Variants in RPS16 observed in about 807,000 individuals in gnomAD.
RPS16 encodes the protein small ribosomal subunit protein uS9.
In RPS16, 2 loss-of-function variants were observed where a neutral mutation model predicts 20.1. The observed-to-expected ratio is 0.10, with a 90% CI of 0.04 to 0.31. The LOEUF (loss-of-function observed/expected upper bound fraction) is 0.31, where lower values mean the gene tolerates loss of function less well. Among genes scored for constraint, RPS16 ranks in the 10% least tolerant of loss-of-function variants. The probability of loss-of-function intolerance (pLI) is 1.00; values close to 1 mark genes in which losing one functional copy is unlikely to be tolerated. For missense variants in RPS16, 129 were observed against 198.6 expected (o/e 0.65, Z 2.11); for synonymous variants, 95 against 76.1 (o/e 1.25, Z -1.29).
At position 39,433,140 on chromosome 19, in the gene RPS16, G is replaced by A. The variant is rs950696191; in HGVS notation, c.*133C>T. ...AGGGTCAAAATCCAGACTGGCAATA[G>A]GTCCAGGATGTTTACTGATTTCTGT... On this transcript the variant is annotated 3_prime_UTR_variant, in exon 5 of 5. Transcript: ENST00000251453. 1 of 1,018,350 alleles carries A rather than the reference G, an allele frequency of 9.8e-7. No individual in the cohort carries two copies. The highest frequency in any genetic ancestry group is 1.6e-5 in the South Asian group (1 of 63,854). 63.1% of individuals were successfully genotyped at this position (1,018,350 alleles called of 1,614,324 possible).
rs781057684 is a variant in RPS16 at position 39,433,300 on chromosome 19, G to A, written c.414C>T (p.Arg138=). 2.0e-5 allele frequency: 33 copies of A among 1,613,050 alleles called. No individual in the cohort carries two copies. Among genetic ancestry groups the A allele is most frequent in the Middle Eastern group, 1.9e-4 (1 of 5,258 alleles). Residue 138 remains arginine, a synonymous_variant, in exon 5 of 5, where the codon CGC becomes CGT. Transcript: ENST00000251453. ...ATCGGTAGGATTTCTGGTAGCGAGC[G>A]CGGGCACCAGGGCCTCCAAACTTTT... is the stretch of plus-strand genomic sequence containing the variant. ...ESKKFGGPGA[R]ARYQKSYR
intron 2 of RPS16, chr19:39,434,498 CAG>C: frequency 6.6e-6 from 1 of 152,448 alleles, no homozygotes; most frequent in East Asian, 1.9e-4. Context: ...CAGCCAATAA[CAG>C]TAACATTCAA....
chr19:39,435,667 A>G lies in RPS16; in HGVS notation c.90T>C (p.Gly30=). 6.2e-7 allele frequency: 1 copy of G among 1,613,986 alleles called. No individual in the cohort carries two copies. The highest frequency in any genetic ancestry group is 8.5e-7 in the Non-Finnish European group (1 of 1,180,032). ...TAVAHCKRGN[G]LIKVNGRPLE... ...GGGGCCGCCCGTTCACCTTGATGAG[A>G]CCATTGCCGCGTTTGCAGTGCGCCA... The change falls in exon 2 of 5, where the codon GGT becomes GGC. Residue 30 remains glycine, a synonymous_variant. Coordinates refer to ENST00000251453, the MANE Select transcript of RPS16 (RefSeq NM_001020.6).
At chr19:39,433,484 A>G (rs750235049) in intron 4 of RPS16, 38 bp downstream of exon 4, 1 of 1,612,788 alleles carries the variant, frequency 6.2e-7, no homozygotes, top group South Asian at 1.1e-5. Flanking sequence ...ATCCCCACAC[A>G]CCCATCTACC....
chr19:39,435,066 A>C (rs1418857404), intron 2 of RPS16: 1 of 153,006 alleles, frequency 6.5e-6, no homozygotes, highest in African/African-American at 2.4e-5. Context: ...CGGGAGGCCG[A>C]GGCTGGTGGA....
At chr19:39,433,615 G>A (rs1226160418) in intron 3 of RPS16, 46 bp from the exon 4 acceptor site, 3 of 1,614,182 alleles carry the variant, frequency 1.9e-6, no homozygotes, top group South Asian at 1.1e-5. Flanking sequence ...CGCTGTGAAG[G>A]CCTCCCTCCC....
chr19:39,435,750 T>C (rs767678611), intron 1 of RPS16, 42 bp from the exon 2 acceptor site: 2 of 1,608,168 alleles, frequency 1.2e-6, no homozygotes, highest in East Asian at 4.5e-5. Flanking sequence ...GAGCTCCGGC[T>C]CCAGCTCCCA....
chr19:39,435,928 G>C lies in RPS16; in HGVS notation c.-33C>G, dbSNP rs201075644. ...AGCGTGGACTAGACAACCTCACCGCGCGGCGCCGCAACCGGAAAAGGAAAG... is the reference window on the plus strand; with the variant it reads ...AGCGTGGACTAGACAACCTCACCGCCCGGCGCCGCAACCGGAAAAGGAAAG... On this transcript the variant is annotated 5_prime_UTR_variant, in exon 1 of 5. Coordinates refer to ENST00000251453, the MANE Select transcript of RPS16 (RefSeq NM_001020.6). The C allele has an allele frequency of 1.3e-4, 206 of 1,602,326 alleles. No homozygotes were observed. The highest frequency in any genetic ancestry group is 3.1e-4 in the East Asian group (14 of 44,878).
At position 39,433,155 on chromosome 19, in the gene RPS16, C is replaced by T; in HGVS notation, c.*118G>A. ...ACTGGCAATAGGTCCAGGATGTTTACTGATTTCTGTCTGGTTAAACATCCA... is the reference window on the plus strand; with the variant it reads ...ACTGGCAATAGGTCCAGGATGTTTATTGATTTCTGTCTGGTTAAACATCCA... On this transcript the variant is annotated 3_prime_UTR_variant, in exon 5 of 5. Transcript: ENST00000251453. The T allele has an allele frequency of 2.6e-6, 3 of 1,144,276 alleles. No homozygotes were observed. The highest frequency in any genetic ancestry group is 3.0e-4 in the Middle Eastern group (1 of 3,332). 70.9% of individuals were successfully genotyped at this position (1,144,276 alleles called of 1,614,324 possible). A position where few individuals can be genotyped will look rare whatever the true frequency, so the allele number is the denominator to read the frequency against.
chr19:39,435,729 A>C (rs200014283), intron 1 of RPS16, 21 bp from the exon 2 acceptor site: 5 of 1,612,092 alleles, frequency 3.1e-6, no homozygotes, highest in African/African-American at 1.3e-5. Context: ...CAAGAGAAAC[A>C]GGGGCCCCGT....
intron 2 of RPS16, chr19:39,433,982 G>A: frequency 3.7e-6 from 2 of 536,258 alleles, no homozygotes; most frequent in Non-Finnish European, 6.7e-6. Context: ...ATATAGGCAA[G>A]GTAAAGGGAA....
chr19:39,434,186 CCTTT>C (rs555141676), intron 2 of RPS16: 49 of 193,914 alleles, frequency 2.5e-4, no homozygotes, highest in African/African-American at 1.1e-3. Flanking sequence ...AGCTCTCTGC[CCTTT>C]CTTTGAGCCT....
In RPS16 at chr19:39,435,938, A is replaced by C. The variant is rs2078861468; in HGVS notation, c.-43T>G. Reference sequence around the variant, plus strand: ...AGACAACCTCACCGCGCGGCGCCGCAACCGGAAAAGGAAAGCTAGGGGCCA... The same window carrying C: ...AGACAACCTCACCGCGCGGCGCCGCCACCGGAAAAGGAAAGCTAGGGGCCA... On this transcript the variant is annotated 5_prime_UTR_variant, in exon 1 of 5. Transcript: ENST00000251453. 7 of 1,601,608 alleles carry C rather than the reference A, an allele frequency of 4.4e-6. No homozygotes were observed. The East Asian group carries it at 1.6e-4, about 36-fold the overall frequency.
chr19:39,435,925 C>T lies in RPS16; in HGVS notation c.-30G>A, dbSNP rs778131497. 7 of 1,602,278 alleles carry T rather than the reference C, an allele frequency of 4.4e-6. No homozygotes were observed. In the Admixed American group the frequency reaches 6.7e-5, roughly 15 times the overall value. On this transcript the variant is annotated 5_prime_UTR_variant, in exon 1 of 5. Coordinates refer to ENST00000251453, the MANE Select transcript of RPS16 (RefSeq NM_001020.6). ...CCGAGCGTGGACTAGACAACCTCAC[C>T]GCGCGGCGCCGCAACCGGAAAAGGA...
rs563141736 is a variant in RPS16 at position 39,435,740 on chromosome 19, G to A, written c.49-32C>T. On this transcript the variant is annotated intron_variant, in intron 1 of 4. Transcript: ENST00000251453. ...GATACAAGAGAAACAGGGGCCCCGT[G>A]AGCTCCGGCTCCAGCTCCCATGTTA... 6.2e-6 allele frequency: 10 copies of A among 1,609,992 alleles called. No individual in the cohort carries two copies. In the Middle Eastern group the frequency reaches 1.5e-3, roughly 239 times the overall value.
At chr19:39,433,947 G>C (rs982569490) in intron 2 of RPS16, 186 bp from the exon 3 acceptor site, 1 of 593,280 alleles carries the variant, frequency 1.7e-6, no homozygotes, top group South Asian at 2.0e-5. Context: ...AGCCAGATAT[G>C]AGACTGCTGA....
At chr19:39,434,046 C>G (rs1600678004) in intron 2 of RPS16, 2 of 426,308 alleles carry the variant, frequency 4.7e-6, no homozygotes, top group East Asian at 9.8e-5. Flanking sequence ...AGACACCCTA[C>G]CTCTAAGACT....
In RPS16 at chr19:39,435,781, C is replaced by T. The variant is rs2146043990; in HGVS notation, c.48+67G>A. 3.7e-6 allele frequency: 6 copies of T among 1,606,454 alleles called. No individual in the cohort carries two copies. The South Asian group carries it at 6.6e-5, about 18-fold the overall frequency. Reference sequence around the variant, plus strand: ...TCCCATGTTACCCCCTAGATTCCTGCCCACCGACCTCTCCCAGACCCTGGC... The same window carrying T: ...TCCCATGTTACCCCCTAGATTCCTGTCCACCGACCTCTCCCAGACCCTGGC... On this transcript the variant is annotated intron_variant, in intron 1 of 4. Coordinates refer to ENST00000251453, the MANE Select transcript of RPS16 (RefSeq NM_001020.6).
intron 2 of RPS16, chr19:39,434,745 G>A (rs1451294757): frequency 1.3e-5 from 2 of 152,212 alleles, no homozygotes; most frequent in African/African-American, 2.4e-5. Flanking sequence ...CAACTCAGGA[G>A]TTTAAGGCTG....
Sources: gnomAD v4.1 joint callset for allele counts on GRCh38, gnomAD v4.1.1 for gene constraint, MANE v1.5 for transcripts, NCBI Gene and HGNC (gene_info 2026-07-23, HGNC 2026-07-21) for gene names.